CLEC18A: variants seen among roughly 807,000 people sequenced by gnomAD.
The protein encoded by CLEC18A is mannose receptor-like 1.
In CLEC18A, 5 loss-of-function variants were observed where a neutral mutation model predicts 24.0. The ratio of observed to expected loss-of-function variants is 0.21; its 90% confidence interval spans 0.11 to 0.44. The LOEUF is 0.44. CLEC18A is among the 20% of genes least tolerant of loss of function. The pLI, the probability that CLEC18A is intolerant of heterozygous loss-of-function variation, is 0.99. For synonymous variants in CLEC18A, 29 were observed against 100.1 expected, an observed-to-expected ratio of 0.29 and a Z score of 4.24; for missense variants, 83 against 233.4, an observed-to-expected ratio of 0.36 and a Z score of 4.20.
downstream of CLEC18A, among the ~76,000 whole-genome samples, chr16:69,965,951 C>G (rs1402469408): frequency 1.1e-4 from 7 of 61,572 alleles, 1 homozygote; most frequent in Non-Finnish European, 1.6e-4. Context: ...CCTCCGCATG[C>G]CCAACGATCC....
chr16:69,955,789 T>A (rs1180662697), intron 3 of CLEC18A, among the ~76,000 whole-genome samples: 2 of 146,714 alleles, frequency 1.4e-5, no homozygotes, highest in East Asian at 4.0e-4. Flanking sequence ...GGAGCTGATA[T>A]CACTGCCAAG....
At chr16:69,946,817 GTT>G (rs201185699), upstream of CLEC18A, among the ~76,000 whole-genome samples, 229 of 47,588 alleles carry the variant, frequency 4.8e-3, 21 homozygotes, top group East Asian at 0.011. Context: ...TTCTAGTAGG[GTT>G]TTTTTTTTTT....
chr16:69,962,820 TG>T, intron 10 of CLEC18A, 155 bp from the exon 11 acceptor site: 1 of 1,034,960 alleles, frequency 9.7e-7, no homozygotes, highest in Non-Finnish European at 1.4e-6. Flanking sequence ...GGAGCAGGGC[TG>T]GGGGCTTGGG....
At chr16:69,956,445 T>A (rs1215604274) in intron 3 of CLEC18A, among the ~76,000 whole-genome samples, 2 of 126,618 alleles carry the variant, frequency 1.6e-5, no homozygotes, top group Non-Finnish European at 3.2e-5. Flanking sequence ...AAGCTCCGCC[T>A]CCTGGGTTCA....
upstream of CLEC18A, chr16:69,951,180 CTCT>C: frequency 5.6e-6 from 8 of 1,419,240 alleles, no homozygotes; most frequent in Non-Finnish European, 7.5e-6. Context: ...CCGGAGTTGT[CTCT>C]TTTCATGCCA....
At chr16:69,958,734 AAAATAAAT>A (rs375006269) in intron 3 of CLEC18A, among the ~76,000 whole-genome samples, 200 bp from the exon 4 acceptor site, 5,668 of 118,420 alleles carry the variant, frequency 0.048, 348 homozygotes, top group African/African-American at 0.2. Flanking sequence ...CTCCATCTCA[AAAATAAAT>A]AAATAAATAA....
In CLEC18A at chr16:69,954,411, C is replaced by T. The variant is rs534996625; in HGVS notation, c.294C>T (p.Ser98=). 28 of 1,610,668 alleles carry T rather than the reference C, an allele frequency of 1.7e-5. No individual in the cohort carries two copies. Among genetic ancestry groups the T allele is most frequent in the Middle Eastern group, 1.8e-4 (1 of 5,456 alleles). Residue 98 remains serine, a synonymous_variant, in exon 3 of 12, where the codon TCC becomes TCT. Transcript: ENST00000288040. ...GAACCCCAACCCCGAGCCTGGCGTCCGGCCTGTGGCGCACCCTGCAAGTGG... is the reference window on the plus strand; with the variant it reads ...GAACCCCAACCCCGAGCCTGGCGTCTGGCCTGTGGCGCACCCTGCAAGTGG... The part of the protein sequence containing the change: ...LCGTPTPSLA[S]GLWRTLQVGW...
chr16:69,957,291 A>T (rs892899342), intron 3 of CLEC18A, among the ~76,000 whole-genome samples: 1 of 146,944 alleles, frequency 6.8e-6, no homozygotes, highest in African/African-American at 2.6e-5. Flanking sequence ...GGTCCGGAGT[A>T]GCTGGGACTA....
At chr16:69,954,023 C>T (rs1324071851) in intron 2 of CLEC18A, among the ~76,000 whole-genome samples, 12 of 139,788 alleles carry the variant, frequency 8.6e-5, no homozygotes, top group African/African-American at 2.6e-4. Flanking sequence ...CAGTCTGCAA[C>T]GCGTGGGCAC....
chr16:69,962,805 GA>G, intron 10 of CLEC18A, 170 bp from the exon 11 acceptor site: 1 of 1,117,194 alleles, frequency 9.0e-7, no homozygotes, highest in Non-Finnish European at 1.3e-6. Context: ...GCTTCCCTGA[GA>G]AGTGGAGCAG....
At chr16:69,963,499 C>A in intron 11 of CLEC18A, 75 bp from the exon 12 acceptor site, 1 of 1,607,708 alleles carries the variant, frequency 6.2e-7, no homozygotes, top group Admixed American at 1.7e-5. Flanking sequence ...CACTTCCAGA[C>A]CGAGTGCAGC....
chr16:69,943,640 C>T, the CLEC18A span, among the ~76,000 whole-genome samples: 1 of 151,808 alleles, frequency 6.6e-6, no homozygotes, highest in Non-Finnish European at 1.5e-5. Context: ...CGCCTTGGTG[C>T]AGATGGAACT....
At chr16:69,964,890 C>T (rs62050611), downstream of CLEC18A, among the ~76,000 whole-genome samples, 33,335 of 148,156 alleles carry the variant, frequency 0.22, 26 homozygotes, top group Non-Finnish European at 0.3. Flanking sequence ...CAGCCTCGAA[C>T]TCCCAGGCTC....
At chr16:69,964,972 T>C (rs1391698927), downstream of CLEC18A, among the ~76,000 whole-genome samples, 11 of 151,914 alleles carry the variant, frequency 7.2e-5, no homozygotes, top group African/African-American at 2.7e-4. Flanking sequence ...CCGCTATTTT[T>C]TGTGTTTTTT....
upstream of CLEC18A, among the ~76,000 whole-genome samples, chr16:69,946,817 GTTT>G (rs201185699): frequency 2.1e-5 from 1 of 47,894 alleles, no homozygotes; most frequent in Non-Finnish European, 3.4e-5. Flanking sequence ...TTCTAGTAGG[GTTT>G]TTTTTTTTTT....
the CLEC18A span, among the ~76,000 whole-genome samples, chr16:69,944,210 C>T: frequency 7.5e-6 from 1 of 133,654 alleles, no homozygotes; most frequent in African/African-American, 2.5e-5. Context: ...GCAGGAGAAT[C>T]GCTTGAACCC....
upstream of CLEC18A, among the ~76,000 whole-genome samples, chr16:69,947,533 T>C (rs2058913372): frequency 9.5e-6 from 1 of 104,764 alleles, no homozygotes; most frequent in Admixed American, 1.2e-4. Flanking sequence ...AAAAATTACC[T>C]GGCATGGTGG....
chr16:69,944,112 A>G, the CLEC18A span, among the ~76,000 whole-genome samples: 1 of 134,078 alleles, frequency 7.5e-6, no homozygotes, highest in South Asian at 2.3e-4. Flanking sequence ...TCTGGCCAAC[A>G]TGGTGAAACG....
intron 3 of CLEC18A, among the ~76,000 whole-genome samples, chr16:69,955,604 G>A (rs2059023602): frequency 6.7e-6 from 1 of 149,044 alleles, no homozygotes; most frequent in African/African-American, 2.5e-5. Flanking sequence ...CACCTGCCTG[G>A]GCCTCCCAAA....
Sources: allele counts gnomAD v4.1 joint callset (sites outside exome capture counted in the v4.1 genomes callset), GRCh38; gene constraint gnomAD v4.1.1; transcripts MANE v1.5; gene names NCBI Gene and HGNC (gene_info 2026-07-23, HGNC 2026-07-21).